The following SLC2A2 variants were observed in gnomAD, a reference collection of about 807,000 sequenced individuals.
SLC2A2 encodes the protein solute carrier family 2 member 2.
A neutral mutation model predicts 54.5 loss-of-function variants in SLC2A2; 36 were observed. That is an observed-to-expected ratio of 0.66 (90% CI 0.51 to 0.87). The LOEUF is 0.87. SLC2A2 is among the 40% of genes least tolerant of loss of function. The probability of loss-of-function intolerance (pLI) is 0.00; values close to 1 mark genes in which losing one functional copy is unlikely to be tolerated. For synonymous variants in SLC2A2, 223 were observed against 219.1 expected (o/e 1.02, Z -0.16); for missense variants, 543 against 624.3 (o/e 0.87, Z 1.39).
Position 171,018,690 on chromosome 3 carries a change from C to G in SLC2A2, c.16-67G>C, listed in dbSNP as rs555098371. ...TTTAGTTTCCCATCTTTCTGTCAGG[C>G]TGCAGCTTAAACTTCTTACAGGCTC... On this transcript the variant is annotated intron_variant, in intron 1 of 10. Coordinates refer to ENST00000314251, the MANE Select transcript of SLC2A2 (RefSeq NM_000340.2). 3 of 1,108,900 alleles carry G rather than the reference C, an allele frequency of 2.7e-6. No individual in the cohort carries two copies. The East Asian group carries it at 7.1e-5, about 26-fold the overall frequency. 68.7% of individuals were successfully genotyped at this position (1,108,900 alleles called of 1,614,324 possible).
chr3:171,021,267 G>A (rs1349921792), intron 1 of SLC2A2, among the ~76,000 whole-genome samples: 1 of 152,108 alleles, frequency 6.6e-6, no homozygotes, highest in East Asian at 1.9e-4. Context: ...GGGATAAGGA[G>A]TACCCTGGGA....
chr3:170,999,624 C>T (rs887335021), intron 8 of SLC2A2, among the ~76,000 whole-genome samples: 38 of 151,970 alleles, frequency 2.5e-4, no homozygotes, highest in Non-Finnish European at 5.2e-4. Flanking sequence ...CTATTGACAC[C>T]GGAAACAGTA....
At chr3:171,010,333 A>G (rs567933356) in intron 3 of SLC2A2, among the ~76,000 whole-genome samples, 26 of 152,122 alleles carry the variant, frequency 1.7e-4, no homozygotes, top group Middle Eastern at 3.4e-3. Context: ...TTTCTATTTT[A>G]TTTTGAGACA....
intron 1 of SLC2A2, among the ~76,000 whole-genome samples, chr3:171,024,543 C>T (rs1172630407): frequency 6.6e-6 from 1 of 152,172 alleles, no homozygotes; most frequent in African/African-American, 2.4e-5. Context: ...TTTCTTTAAA[C>T]TACATGTCTC....
intron 1 of SLC2A2, among the ~76,000 whole-genome samples, chr3:171,025,780 G>A (rs1358922157): frequency 6.6e-6 from 1 of 152,028 alleles, no homozygotes; most frequent in African/African-American, 2.4e-5. Context: ...ATGATTGTGT[G>A]TACAGGGGTG....
At chr3:171,019,787 T>C (rs1716366700) in intron 1 of SLC2A2, among the ~76,000 whole-genome samples, 1 of 152,190 alleles carries the variant, frequency 6.6e-6, no homozygotes, top group South Asian at 2.1e-4. Context: ...GGCTTAAACA[T>C]GAGTTTGTTT....
intron 1 of SLC2A2, among the ~76,000 whole-genome samples, chr3:171,021,038 CTA>C (rs1463656943): frequency 6.6e-6 from 1 of 151,972 alleles, no homozygotes; most frequent in African/African-American, 2.4e-5. Flanking sequence ...CATACACACA[CTA>C]TATGATATAT....
chr3:171,020,504 C>A (rs1025228930), intron 1 of SLC2A2, among the ~76,000 whole-genome samples: 4 of 152,010 alleles, frequency 2.6e-5, no homozygotes. Flanking sequence ...TCAAAGTTGA[C>A]CCAAAAGACA....
Position 171,006,007 on chromosome 3 carries a change from A to G in SLC2A2, c.711T>C (p.Phe237=). ...VRAILQSLLL[F]FCPESPRYLY... is the part of the protein sequence containing the mutation. ...GGTATCTGGGGCTTTCTGGACAGAA[A>G]AAGAGTAGCAGAGACTGAAGGATGG... Residue 237 remains phenylalanine, a synonymous_variant, in exon 6 of 11, where the codon TTT becomes TTC. Transcript: ENST00000314251. 2 of 1,612,780 alleles carry G rather than the reference A, an allele frequency of 1.2e-6. No homozygotes were observed. The highest frequency in any genetic ancestry group is 1.1e-5 in the South Asian group (1 of 91,060).
chr3:171,008,281 A>G (rs538013073), intron 4 of SLC2A2, among the ~76,000 whole-genome samples: 1 of 152,196 alleles, frequency 6.6e-6, no homozygotes, highest in South Asian at 2.1e-4. Flanking sequence ...CATGTGTGAT[A>G]AGGTATCTGT....
At chr3:171,006,814 T>C (rs936890648) in intron 5 of SLC2A2, among the ~76,000 whole-genome samples, 4 of 152,028 alleles carry the variant, frequency 2.6e-5, no homozygotes, top group Admixed American at 2.0e-4. Context: ...TCTTGACATC[T>C]AAATGGAATA....
chr3:170,999,616 A>G (rs1025875204), intron 8 of SLC2A2, among the ~76,000 whole-genome samples: 1 of 152,054 alleles, frequency 6.6e-6, no homozygotes, highest in Admixed American at 6.5e-5. Context: ...TCTGTGCACT[A>G]TTGACACCGG....
chr3:171,019,499 T>A (rs1716354526), intron 1 of SLC2A2, among the ~76,000 whole-genome samples: 2 of 152,044 alleles, frequency 1.3e-5, no homozygotes, highest in Admixed American at 1.3e-4. Context: ...AGAACATTCA[T>A]CCCCTTGAAC....
At chr3:171,001,377 T>A (rs572773058) in intron 8 of SLC2A2, among the ~76,000 whole-genome samples, 1 of 151,966 alleles carries the variant, frequency 6.6e-6, no homozygotes, top group African/African-American at 2.4e-5. Context: ...GGCCTTTTGG[T>A]TTAAACAGGC....
At chr3:171,012,377 T>C (rs1462558546) in intron 3 of SLC2A2, among the ~76,000 whole-genome samples, 1 of 152,210 alleles carries the variant, frequency 6.6e-6, no homozygotes, top group Non-Finnish European at 1.5e-5. Context: ...TGTATCATTT[T>C]AATGAGTTCC....
intron 3 of SLC2A2, among the ~76,000 whole-genome samples, chr3:171,011,331 G>C (rs1183440252): frequency 6.6e-6 from 1 of 152,110 alleles, no homozygotes; most frequent in Non-Finnish European, 1.5e-5. Flanking sequence ...GTCCTGATAA[G>C]AGTAAGGTAG....
rs1181030797 is a variant in SLC2A2 at position 171,018,607 on chromosome 3, AC to A, written c.31del (p.Val11PhefsTer20). On this transcript the variant is annotated frameshift_variant, in exon 2 of 11. Transcript: ENST00000314251. LOFTEE classifies it high-confidence loss of function. MTEDKVTGTL[V>X]FTVITAVLGS... ...CAGCACAGCAGTGATGACAGTGAAA[AC>A]CAGGGTCCCAGTGACCTGCAGGGGG... is the stretch of plus-strand genomic sequence containing the variant. The A allele has an allele frequency of 1.9e-6, 3 of 1,613,786 alleles. No individual in the cohort carries two copies. Among genetic ancestry groups the A allele is most frequent in the Non-Finnish European group, 2.5e-6 (3 of 1,179,806 alleles).
chr3:170,998,121 A>G lies in SLC2A2; in HGVS notation c.1375-18T>C. 2 of 1,613,474 alleles carry G rather than the reference A, an allele frequency of 1.2e-6. No homozygotes were observed. Among genetic ancestry groups the G allele is most frequent in the East Asian group, 4.5e-5 (2 of 44,846 alleles). ...CAGAAGTCCTGGATAGAAAGCAAAC[A>G]CAGACTTTGAGTTAGCAGTTTTTTG... is the stretch of plus-strand genomic sequence containing the variant. On this transcript the variant is annotated intron_variant, in intron 10 of 10. Coordinates refer to ENST00000314251, the MANE Select transcript of SLC2A2 (RefSeq NM_000340.2).
rs56373636 is a variant in SLC2A2 at position 171,006,125 on chromosome 3, G to C, written c.613-20C>G. The C allele has an allele frequency of 3.1e-6, 5 of 1,605,098 alleles. No individual in the cohort carries two copies. The highest frequency in any genetic ancestry group is 4.3e-6 in the Non-Finnish European group (5 of 1,172,660). ...AATAATCTGAAAATGCAAGGAGGAA[G>C]TATATCAACTACATAATACTTTGGA... On this transcript the variant is annotated intron_variant, in intron 5 of 10. Transcript: ENST00000314251.
Sources: allele counts gnomAD v4.1 joint callset (sites outside exome capture counted in the v4.1 genomes callset), GRCh38; gene constraint gnomAD v4.1.1; transcripts MANE v1.5; gene names NCBI Gene and HGNC (gene_info 2026-07-23, HGNC 2026-07-21).